The following ADCY2 variants were observed in gnomAD, a reference collection of about 807,000 sequenced individuals.
ADCY2 encodes adenylate cyclase type 2.
In ADCY2, 31 loss-of-function variants were observed where a neutral mutation model predicts 125.2. The observed-to-expected ratio is 0.25, with a 90% confidence interval of 0.19 to 0.33. The LOEUF is 0.33. ADCY2 is among the 10% of genes least tolerant of loss of function. The probability of loss-of-function intolerance (pLI) is 1.00; values close to 1 mark genes in which losing one functional copy is unlikely to be tolerated. For missense variants in ADCY2, 904 were observed against 1,418.2 expected (o/e 0.64, Z 5.82); for synonymous variants, 512 against 548.4 (o/e 0.93, Z 0.93).
At chr5:7,483,899 C>A (rs1214233112) in intron 2 of ADCY2, among the ~76,000 whole-genome samples, 1 of 152,136 alleles carries the variant, frequency 6.6e-6, no homozygotes, top group Non-Finnish European at 1.5e-5. Context: ...TAATAATTTC[C>A]AGTATTATTT....
At chr5:7,662,141 A>G (rs1269943821) in intron 4 of ADCY2, among the ~76,000 whole-genome samples, 1 of 152,216 alleles carries the variant, frequency 6.6e-6, no homozygotes, top group African/African-American at 2.4e-5. Flanking sequence ...GATAACATAA[A>G]AGTTATTGGT....
chr5:7,775,598 C>T lies in ADCY2; in HGVS notation c.2384+2497C>T, dbSNP rs1488368108. ...TAGAGATGGGGTTTCACCATGTTGG[C>T]CAGGCTACTCTTGATCTCCTGACCT... On this transcript the variant is annotated intron_variant, in intron 18 of 24. Coordinates refer to ENST00000338316, the MANE Select transcript of ADCY2 (RefSeq NM_020546.3). 3.3e-5 allele frequency among the ~76,000 whole-genome samples: 5 copies of T among 152,222 alleles called. No homozygotes were observed. In the East Asian group the frequency reaches 9.7e-4, roughly 29 times the overall value.
At chr5:7,728,684 A>G (rs984975642) in intron 14 of ADCY2, among the ~76,000 whole-genome samples, 9 of 152,186 alleles carry the variant, frequency 5.9e-5, no homozygotes, top group Non-Finnish European at 1.0e-4. Flanking sequence ...TGAAATAACT[A>G]TTACCCAGGG....
chr5:7,522,022 T>C (rs557371326), intron 3 of ADCY2, among the ~76,000 whole-genome samples: 6 of 152,294 alleles, frequency 3.9e-5, no homozygotes, highest in African/African-American at 1.4e-4. Flanking sequence ...GAAGGCCATA[T>C]GGCTCCTCTC....
chr5:7,522,739 T>TAAAAAAAAAAAAAAAAAA (rs35601967), intron 3 of ADCY2: 1 of 122,614 alleles, frequency 8.2e-6, no homozygotes, highest in Admixed American at 8.1e-5. Context: ...CATCTCTACT[T>TAAAAAAAAAAAAAAAAAA]AAAAAAAAAA....
chr5:7,738,399 A>G (rs190415703), intron 14 of ADCY2, among the ~76,000 whole-genome samples: 1 of 152,156 alleles, frequency 6.6e-6, no homozygotes, highest in East Asian at 1.9e-4. Context: ...TTTAATTAAT[A>G]AAATAATAAT....
At chr5:7,746,278 A>C (rs1288899864) in intron 15 of ADCY2, 3 of 152,490 alleles carry the variant, frequency 2.0e-5, no homozygotes, top group Non-Finnish European at 2.9e-5. Flanking sequence ...TGGTCCTCCT[A>C]AACTTGATTC....
Position 7,676,396 on chromosome 5 carries a change from A to C in ADCY2, c.721-14295A>C, listed in dbSNP as rs1220235446. The stretch of plus-strand genomic sequence containing the variant: ...ATCACTAAAGGATGAATCATGAAAC[A>C]TACCTAAATGTCATTTCATTAATTT... On this transcript the variant is annotated intron_variant, in intron 4 of 24. Transcript: ENST00000338316. 2.6e-5 allele frequency among the ~76,000 whole-genome samples: 4 copies of C among 152,226 alleles called. No individual in the cohort carries two copies. The East Asian group carries it at 7.7e-4, about 29-fold the overall frequency.
rs573068228 is a variant in ADCY2 at position 7,804,702 on chromosome 5, G to A, written c.2883+10G>A. 6.8e-6 allele frequency: 11 copies of A among 1,610,018 alleles called. No individual in the cohort carries two copies. The highest frequency in any genetic ancestry group is 1.7e-5 in the Admixed American group (1 of 59,992). On this transcript the variant is annotated intron_variant, in intron 22 of 24. Transcript: ENST00000338316. ...CCAGGAGCACTCCCAGGTAAGACGC[G>A]TTGGCCACTTAACGGCACAGGTGAG...
chr5:7,594,941 C>A (rs1380332960), intron 3 of ADCY2, among the ~76,000 whole-genome samples: 1 of 152,140 alleles, frequency 6.6e-6, no homozygotes, highest in Non-Finnish European at 1.5e-5. Context: ...AGGACAGAGT[C>A]CAGAGCCTGC....
At chr5:7,619,236 T>C (rs1433475669) in intron 3 of ADCY2, among the ~76,000 whole-genome samples, 4 of 152,202 alleles carry the variant, frequency 2.6e-5, no homozygotes, top group African/African-American at 9.6e-5. Context: ...GAGACAGTGT[T>C]TCGGCTGTCT....
At chr5:7,720,017 G>GAA (rs34520807) in intron 12 of ADCY2, among the ~76,000 whole-genome samples, 10 of 150,424 alleles carry the variant, frequency 6.6e-5, no homozygotes, top group East Asian at 2.0e-4. Flanking sequence ...CTTGACAAAA[G>GAA]AAAAAAAAAG....
At chr5:7,688,262 A>AT (rs1304160562) in intron 4 of ADCY2, among the ~76,000 whole-genome samples, 13 of 107,702 alleles carry the variant, frequency 1.2e-4, no homozygotes, top group East Asian at 5.3e-4. Flanking sequence ...AGATCTCCTG[A>AT]TTTTTTTTGT....
At chr5:7,644,921 G>C (rs970135170) in intron 4 of ADCY2, among the ~76,000 whole-genome samples, 3 of 152,156 alleles carry the variant, frequency 2.0e-5, no homozygotes, top group African/African-American at 7.2e-5. Context: ...ACAAGGGCGA[G>C]TCTGTTAACA....
intron 4 of ADCY2, among the ~76,000 whole-genome samples, chr5:7,659,550 T>C (rs1045900713): frequency 2.6e-5 from 4 of 152,232 alleles, no homozygotes; most frequent in Admixed American, 6.5e-5. Context: ...CCCACAGCTC[T>C]GTGGTTTCTG....
chr5:7,581,222 T>C (rs1736414605), intron 3 of ADCY2, among the ~76,000 whole-genome samples: 1 of 152,206 alleles, frequency 6.6e-6, no homozygotes, highest in South Asian at 2.1e-4. Flanking sequence ...AAGATGGATA[T>C]GATAACATCA....
intron 22 of ADCY2, among the ~76,000 whole-genome samples, chr5:7,814,580 A>G (rs1745046335): frequency 6.6e-6 from 1 of 152,106 alleles, no homozygotes; most frequent in Admixed American, 6.5e-5. Flanking sequence ...CTTATTAAAC[A>G]CTGTGTGGAG....
intron 4 of ADCY2, among the ~76,000 whole-genome samples, chr5:7,645,185 A>G (rs778086113): frequency 2.3e-4 from 35 of 152,304 alleles, no homozygotes; most frequent in Middle Eastern, 3.4e-3. Flanking sequence ...ACATTTTTAT[A>G]GTCACTCAAG....
intron 4 of ADCY2, among the ~76,000 whole-genome samples, chr5:7,667,113 A>C (rs1739783468): frequency 1.3e-5 from 2 of 152,188 alleles, no homozygotes; most frequent in Non-Finnish European, 2.9e-5. Context: ...GAGCATTCAG[A>C]GCATATGAGC....
Sources: gnomAD v4.1 joint callset for allele counts (sites outside exome capture counted in the v4.1 genomes callset) on GRCh38, gnomAD v4.1.1 for gene constraint, MANE v1.5 for transcripts, NCBI Gene and HGNC (gene_info 2026-07-23, HGNC 2026-07-21) for gene names.